Variants in DENND4A observed in about 807,000 individuals in gnomAD.
The protein encoded by DENND4A is C-myc promoter-binding protein.
In DENND4A, 70 loss-of-function variants were observed where a neutral mutation model predicts 199.3. The observed-to-expected ratio is 0.35, with a 90% CI of 0.29 to 0.43. The LOEUF (loss-of-function observed/expected upper bound fraction) is 0.43. Among genes scored for constraint, DENND4A ranks in the 20% least tolerant of loss-of-function variants. DENND4A has a pLI of 1.00. For synonymous variants in DENND4A, 686 were observed against 766.9 expected, an observed-to-expected ratio of 0.89 and a Z score of 1.74; for missense variants, 1,723 against 2,255.8, an observed-to-expected ratio of 0.76 and a Z score of 4.78.
At chr15:65,769,195 GTA>G (rs1491160376) in intron 1 of DENND4A, among the ~76,000 whole-genome samples, 2 of 111,152 alleles carry the variant, frequency 1.8e-5, no homozygotes, top group Admixed American at 1.1e-4. Context: ...AGCATATAAG[GTA>G]TACACACACA....
intron 7 of DENND4A, among the ~76,000 whole-genome samples, chr15:65,735,582 G>C (rs955543115): frequency 2.0e-5 from 3 of 152,158 alleles, no homozygotes; most frequent in Non-Finnish European, 4.4e-5. Flanking sequence ...CAGTAAAAGA[G>C]TGTCAATATT....
At position 65,700,674 on chromosome 15, in the gene DENND4A, T is replaced by C; in HGVS notation, c.2703A>G (p.Ala901=). The C allele has an allele frequency of 6.5e-7, 1 of 1,532,950 alleles. No individual in the cohort carries two copies. The allele number at this position is 1,532,950 out of a possible 1,614,324, so 95.0% of individuals were successfully genotyped here. The change falls in exon 20 of 33, where the codon GCA becomes GCG. Residue 901 remains alanine, a splice_region_variant and synonymous_variant. Coordinates refer to ENST00000443035, the MANE Select transcript of DENND4A (RefSeq NM_001320835.1). ...HAHLSQTTLS[A]DGSDLDAVSH... Reference sequence around the variant, plus strand: ...TAACAGCATCCAGGTCACTGCCATCTGCTTAAGAACACAATTTGACAGCAT... The same window carrying C: ...TAACAGCATCCAGGTCACTGCCATCCGCTTAAGAACACAATTTGACAGCAT...
chr15:65,740,586 A>ACGACTG, intron 5 of DENND4A, among the ~76,000 whole-genome samples: 1 of 151,732 alleles, frequency 6.6e-6, no homozygotes, highest in South Asian at 2.1e-4. Context: ...CTATGATCCC[A>ACGACTG]CGACTGCACT....
intron 23 of DENND4A, among the ~76,000 whole-genome samples, chr15:65,678,396 C>T (rs983189566): frequency 2.0e-5 from 3 of 152,036 alleles, no homozygotes; most frequent in African/African-American, 7.2e-5. Flanking sequence ...GAACTGATAC[C>T]TTTACAAGAC....
intron 5 of DENND4A, among the ~76,000 whole-genome samples, chr15:65,740,647 A>G (rs1158683690): frequency 1.3e-5 from 2 of 151,488 alleles, no homozygotes; most frequent in Non-Finnish European, 2.9e-5. Flanking sequence ...AAAAAAAAAA[A>G]GGTGATAAAT....
chr15:65,746,369 CTTTTTTTTTTTTTTTTTTTTTT>C (rs573935476), intron 4 of DENND4A, among the ~76,000 whole-genome samples: 15 of 51,270 alleles, frequency 2.9e-4, no homozygotes, highest in Non-Finnish European at 4.0e-4. Flanking sequence ...ACTTTTTTCT[CTTTTTTTTTTTTTTTTTTTTTT>C]TTTTTTTTTT....
At chr15:65,713,419 T>G (rs2075303361) in intron 14 of DENND4A, among the ~76,000 whole-genome samples, 1 of 152,250 alleles carries the variant, frequency 6.6e-6, no homozygotes. Flanking sequence ...CAATGTTGAC[T>G]TGTCCCGTTA....
rs1376568808 is a variant in DENND4A at position 65,737,913 on chromosome 15, T to C, written c.834A>G (p.Pro278=). 2.5e-6 allele frequency: 4 copies of C among 1,598,012 alleles called. No homozygotes were observed. Among genetic ancestry groups the C allele is most frequent in the Admixed American group, 1.7e-5 (1 of 57,654 alleles). ...TTTCTGTGAGATTCTCCTCAGAGTA[T>C]GGTTCATAAAACTGAATAGCAGCAC... ...VYGAAIQFYE[P]YSEENLTEKQ... is the part of the protein sequence containing the mutation. Residue 278 remains proline, a synonymous_variant, in exon 7 of 33, where the codon CCA becomes CCG. Coordinates refer to ENST00000443035, the MANE Select transcript of DENND4A (RefSeq NM_001320835.1).
intron 24 of DENND4A, among the ~76,000 whole-genome samples, chr15:65,674,325 T>C (rs528748566): frequency 6.6e-6 from 1 of 152,282 alleles, no homozygotes; most frequent in African/African-American, 2.4e-5. Flanking sequence ...CGAGTTAATC[T>C]ATGGTGTTAG....
chr15:65,789,821 T>C (rs2077667243), intron 1 of DENND4A, among the ~76,000 whole-genome samples: 1 of 152,162 alleles, frequency 6.6e-6, no homozygotes, highest in Non-Finnish European at 1.5e-5. Context: ...ATGTAACTAA[T>C]ATCACTCAGT....
intron 12 of DENND4A, 106 bp from the exon 13 acceptor site, chr15:65,718,102 T>G: frequency 1.2e-6 from 1 of 800,262 alleles, no homozygotes; most frequent in African/African-American, 1.8e-5. Flanking sequence ...CTACCTCAAC[T>G]CTTTGTTTAC....
In DENND4A at chr15:65,690,837, C is replaced by T. The variant is rs1193134374; in HGVS notation, c.3757G>A (p.Val1253Met). 6.2e-7 allele frequency: 1 copy of T among 1,613,012 alleles called. No homozygotes were observed. The highest frequency in any genetic ancestry group is 1.3e-5 in the African/African-American group (1 of 74,904). The change falls in exon 23 of 33, where the codon GTG becomes ATG. Residue 1253 changes from valine to methionine, a missense_variant. Around this residue, in one of 6 missense-constraint regions of DENND4A, gnomAD observed 650 missense variants for 738.1 expected, o/e 0.88. Transcript: ENST00000443035. ...CTGCTCATGTTATTCATATACATCA[C>T]AATTTCTTCAGCTAAATCACGCCTA... Reference protein sequence around the residue: ...SARRDLAEEIVMYMNNMSSPL... With the variant: ...SARRDLAEEIMMYMNNMSSPL...
intron 1 of DENND4A, among the ~76,000 whole-genome samples, chr15:65,789,868 A>G (rs139801335): frequency 6.8e-4 from 104 of 152,316 alleles, no homozygotes; most frequent in African/African-American, 2.4e-3. Flanking sequence ...TATAAGAGTA[A>G]TAACTGGCCG....
chr15:65,758,994 C>A (rs1414226958), intron 2 of DENND4A, among the ~76,000 whole-genome samples: 1 of 152,114 alleles, frequency 6.6e-6, no homozygotes, highest in Non-Finnish European at 1.5e-5. Flanking sequence ...ACCATAAAAT[C>A]TCAGGGCAAA....
In DENND4A at chr15:65,715,511, T is replaced by G. The variant is rs965704331; in HGVS notation, c.1920A>C (p.Ala640=). 17 of 1,611,526 alleles carry G rather than the reference T, an allele frequency of 1.1e-5. No individual in the cohort carries two copies. Among genetic ancestry groups the G allele is most frequent in the Non-Finnish European group, 1.4e-5 (16 of 1,179,370 alleles). Residue 640 remains alanine (A), a synonymous_variant, in exon 14 of 33, where the codon GCA becomes GCC. Coordinates refer to ENST00000443035, the MANE Select transcript of DENND4A (RefSeq NM_001320835.1). The part of the protein sequence containing the change: ...EECSFVSDKD[A]SLAFFDDCVD... ...CACAATCATCAAAAAATGCCAGGCTTGCATCTTTGTCACTAACAAAAGAAC... is the reference window on the plus strand; with the variant it reads ...CACAATCATCAAAAAATGCCAGGCTGGCATCTTTGTCACTAACAAAAGAAC...
At chr15:65,679,247 G>A (rs1270809943) in intron 23 of DENND4A, among the ~76,000 whole-genome samples, 1 of 151,676 alleles carries the variant, frequency 6.6e-6, no homozygotes, top group African/African-American at 2.4e-5. Flanking sequence ...GACTACAGGT[G>A]CATGCCACCA....
At chr15:65,740,424 A>G in intron 5 of DENND4A, among the ~76,000 whole-genome samples, 1 of 151,180 alleles carries the variant, frequency 6.6e-6, no homozygotes, top group East Asian at 1.9e-4. Flanking sequence ...AACCTGGGCA[A>G]TACAGCAAGA....
intron 3 of DENND4A, among the ~76,000 whole-genome samples, chr15:65,753,525 A>C (rs2076620345): frequency 6.6e-6 from 1 of 151,826 alleles, no homozygotes; most frequent in African/African-American, 2.4e-5. Flanking sequence ...CACCTGACTA[A>C]TTTTTGTATT....
At chr15:65,676,301 G>T in intron 24 of DENND4A, 144 bp downstream of exon 24, 1 of 699,060 alleles carries the variant, frequency 1.4e-6, no homozygotes. Context: ...AAAGTGCCTT[G>T]GTTTTATTGT....
Sources: gnomAD v4.1 joint callset for allele counts (sites outside exome capture counted in the v4.1 genomes callset) on GRCh38, gnomAD v4.1.1 for gene constraint, gnomAD v4.1.1 regional missense constraint, MANE v1.5 for transcripts, NCBI Gene and HGNC (gene_info 2026-07-23, HGNC 2026-07-21) for gene names.